Variants in ZMIZ1 observed in about 807,000 individuals in gnomAD.
The protein encoded by ZMIZ1 is zinc finger MIZ domain-containing protein 1.
A neutral mutation model predicts 113.9 loss-of-function variants in ZMIZ1; 17 were observed. The ratio of observed to expected loss-of-function variants is 0.15; its 90% CI spans 0.10 to 0.22. ZMIZ1 has a LOEUF of 0.22. Ranked by LOEUF, ZMIZ1 falls within the 10% of genes least tolerant of loss-of-function variation. ZMIZ1 has a pLI of 1.00. For synonymous variants in ZMIZ1, 607 were observed against 603.1 expected (o/e 1.01, Z -0.09); for missense variants, 1,059 against 1,477.8 (o/e 0.72, Z 4.65).
intron 6 of ZMIZ1, among the ~76,000 whole-genome samples, chr10:79,209,474 CCT>C (rs754736506): frequency 2.6e-5 from 4 of 152,336 alleles, no homozygotes; most frequent in Non-Finnish European, 5.9e-5. Context: ...CTCAGAAGGC[CCT>C]GAGTCCACTT....
At chr10:79,189,936 C>T (rs1847529402) in intron 4 of ZMIZ1, among the ~76,000 whole-genome samples, 1 of 152,234 alleles carries the variant, frequency 6.6e-6, no homozygotes, top group Non-Finnish European at 1.5e-5. Flanking sequence ...AGAGACTCCA[C>T]TAAATGAAGA....
chr10:79,214,529 G>T (rs758218041), intron 6 of ZMIZ1, among the ~76,000 whole-genome samples: 1 of 152,160 alleles, frequency 6.6e-6, no homozygotes, highest in Non-Finnish European at 1.5e-5. Flanking sequence ...ATTGGCCTAG[G>T]TAAGTGGTGT....
chr10:79,216,513 G>A (rs984467804), intron 7 of ZMIZ1: 8 of 367,708 alleles, frequency 2.2e-5, no homozygotes, highest in Admixed American at 9.7e-5. Flanking sequence ...AGAGGCTCCC[G>A]AGGCACACCA....
chr10:79,193,568 G>C (rs1279243719), intron 4 of ZMIZ1, among the ~76,000 whole-genome samples: 1 of 152,220 alleles, frequency 6.6e-6, no homozygotes, highest in Non-Finnish European at 1.5e-5. Context: ...TGAGTACGGA[G>C]CCCTGGGCTA....
At chr10:79,121,370 A>G (rs945877698) in intron 2 of ZMIZ1, among the ~76,000 whole-genome samples, 1 of 152,108 alleles carries the variant, frequency 6.6e-6, no homozygotes, top group African/African-American at 2.4e-5. Flanking sequence ...GAGCCCCTCC[A>G]GGTTAGAGGG....
chr10:79,211,028 G>A (rs1203024675), intron 6 of ZMIZ1, among the ~76,000 whole-genome samples: 2 of 152,196 alleles, frequency 1.3e-5, no homozygotes, highest in African/African-American at 2.4e-5. Context: ...CCCCACTCCT[G>A]CAGCCTGGCC....
chr10:79,217,820 G>T, intron 7 of ZMIZ1, among the ~76,000 whole-genome samples: 1 of 152,344 alleles, frequency 6.6e-6, no homozygotes, highest in South Asian at 2.1e-4. Context: ...TTGGGATATT[G>T]CTATCGTATT....
At chr10:79,161,513 G>A (rs1174108751) in intron 3 of ZMIZ1, among the ~76,000 whole-genome samples, 1 of 152,150 alleles carries the variant, frequency 6.6e-6, no homozygotes, top group Non-Finnish European at 1.5e-5. Flanking sequence ...AATGCTGTTT[G>A]CTGCATCTTG....
At chr10:79,090,942 A>G (rs1429229544) in intron 1 of ZMIZ1, among the ~76,000 whole-genome samples, 3 of 152,196 alleles carry the variant, frequency 2.0e-5, no homozygotes, top group African/African-American at 4.8e-5. Context: ...CTGGGGTTCC[A>G]GGGCTGTCCT....
intron 1 of ZMIZ1, among the ~76,000 whole-genome samples, chr10:79,114,494 CGTGTGTGTGTGCGT>C (rs1454524446): frequency 0.022 from 2,569 of 114,306 alleles, 39 homozygotes; most frequent in South Asian, 0.055. Context: ...TGTGTGTGTG[CGTGTGTGTGTGCGT>C]GTGTGTGTGT....
At chr10:79,161,579 G>T (rs143018791) in intron 3 of ZMIZ1, among the ~76,000 whole-genome samples, 1 of 152,272 alleles carries the variant, frequency 6.6e-6, no homozygotes, top group Non-Finnish European at 1.5e-5. Flanking sequence ...GGCCACCTGG[G>T]ACCTTGAGTC....
At chr10:79,301,443 C>T (rs1854295277) in intron 17 of ZMIZ1, among the ~76,000 whole-genome samples, 1 of 152,180 alleles carries the variant, frequency 6.6e-6, no homozygotes. Flanking sequence ...TGACTTGTTA[C>T]CTAGGACCAG....
chr10:79,285,752 C>G (rs978834395), intron 8 of ZMIZ1: 2 of 365,712 alleles, frequency 5.5e-6, no homozygotes, highest in Admixed American at 6.8e-5. Context: ...GCTCCTGAGG[C>G]AGAAGGGAGA....
At chr10:79,300,480 T>C (rs1854218258) in intron 16 of ZMIZ1, among the ~76,000 whole-genome samples, 1 of 151,760 alleles carries the variant, frequency 6.6e-6, no homozygotes, top group South Asian at 2.1e-4. Flanking sequence ...TCCAGGGAGA[T>C]GGGAGCTAGA....
At chr10:79,235,410 C>T (rs1207822857) in intron 7 of ZMIZ1, among the ~76,000 whole-genome samples, 2 of 152,178 alleles carry the variant, frequency 1.3e-5, no homozygotes, top group Non-Finnish European at 2.9e-5. Flanking sequence ...GGTGCTCGGG[C>T]TTGCTTCTCA....
chr10:79,070,314 C>T (rs1589237065), intron 1 of ZMIZ1, among the ~76,000 whole-genome samples: 1 of 151,574 alleles, frequency 6.6e-6, no homozygotes, highest in African/African-American at 2.4e-5. Flanking sequence ...GGATAGGGCG[C>T]GGTGCGGAGG....
At chr10:79,215,764 G>A (rs1454869266) in intron 6 of ZMIZ1, among the ~76,000 whole-genome samples, 3 of 152,070 alleles carry the variant, frequency 2.0e-5, no homozygotes, top group African/African-American at 7.2e-5. Flanking sequence ...GGGTGGGGGA[G>A]TTCCTGAGGG....
intron 9 of ZMIZ1, 194 bp from the exon 10 acceptor site, chr10:79,290,765 C>T (rs777385085): frequency 3.2e-5 from 23 of 723,930 alleles, no homozygotes; most frequent in Admixed American, 1.2e-4. Flanking sequence ...TCATCCCCCA[C>T]GCCACCTGCC....
chr10:79,121,656 G>C (rs1310658799), intron 2 of ZMIZ1, among the ~76,000 whole-genome samples: 1 of 152,166 alleles, frequency 6.6e-6, no homozygotes, highest in Non-Finnish European at 1.5e-5. Context: ...TCCACTGGGA[G>C]GCTCTGTGAC....
Sources: allele counts gnomAD v4.1 joint callset (sites outside exome capture counted in the v4.1 genomes callset), GRCh38; gene constraint gnomAD v4.1.1; transcripts MANE v1.5; gene names NCBI Gene and HGNC (gene_info 2026-07-23, HGNC 2026-07-21).